The following PROC variants were observed in gnomAD, a reference collection of about 807,000 sequenced individuals.
The protein encoded by PROC is vitamin K-dependent protein C.
Under a neutral mutation model 36.3 loss-of-function variants are expected in PROC, and 22 were observed. The observed-to-expected ratio is 0.61, with a 90% confidence interval of 0.43 to 0.86. The LOEUF (loss-of-function observed/expected upper bound fraction) is 0.86. Ranked by LOEUF, PROC falls within the 40% of genes least tolerant of loss-of-function variation. The probability of loss-of-function intolerance (pLI) is 0.00; values close to 1 mark genes in which losing one functional copy is unlikely to be tolerated. For missense variants in PROC, 526 were observed against 629.7 expected (o/e 0.84, Z 1.76); for synonymous variants, 218 against 244.5 (o/e 0.89, Z 1.01).
At position 127,428,463 on chromosome 2, in the gene PROC, A is replaced by C. The variant is rs753709157; in HGVS notation, c.903A>C (p.Ala301=). The C allele has an allele frequency of 6.2e-7, 1 of 1,614,102 alleles. No homozygotes were observed. ...AGAGCACCACCGACAATGACATCGCACTGCTGCACCTGGCCCAGCCCGCCA... is the reference window on the plus strand; with the variant it reads ...AGAGCACCACCGACAATGACATCGCCCTGCTGCACCTGGCCCAGCCCGCCA... ...YSKSTTDNDI[A]LLHLAQPATL... is the part of the protein sequence containing the mutation. Residue 301 remains alanine (A), a synonymous_variant, in exon 9 of 9, where the codon GCA becomes GCC. Coordinates refer to ENST00000234071, the MANE Select transcript of PROC (RefSeq NM_000312.4).
chr2:127,424,519 A>C (rs951590101), intron 6 of PROC, among the ~76,000 whole-genome samples: 7 of 152,104 alleles, frequency 4.6e-5, no homozygotes, highest in African/African-American at 1.4e-4. Context: ...AACTTTCTAC[A>C]ACTTTATAAT....
intron 6 of PROC, among the ~76,000 whole-genome samples, chr2:127,425,045 C>A (rs1366913859): frequency 1.3e-5 from 2 of 152,222 alleles, no homozygotes; most frequent in Non-Finnish European, 2.9e-5. Flanking sequence ...TAGTCAGAGC[C>A]TCTGGTTCAC....
Position 127,429,143 on chromosome 2 carries a change from G to T in PROC, c.*197G>T. Reference sequence around the variant, plus strand: ...ATCTTAACTCCTAGAGCAACTCTGTGGGGTGGGGAGGAGCAGATCCAAGTT... The same window carrying T: ...ATCTTAACTCCTAGAGCAACTCTGTTGGGTGGGGAGGAGCAGATCCAAGTT... On this transcript the variant is annotated 3_prime_UTR_variant, in exon 9 of 9. Transcript: ENST00000234071. The T allele has an allele frequency of 1.5e-6, 1 of 650,336 alleles. No homozygotes were observed. Among genetic ancestry groups the T allele is most frequent in the Non-Finnish European group, 2.6e-6 (1 of 381,684 alleles). The allele number at this position is 650,336 out of a possible 1,614,324, so 40.3% of individuals were successfully genotyped here.
rs13388546 is a variant in PROC, at chr2:127,428,484, C to A, written c.924C>A (p.Pro308=). 6.2e-7 allele frequency: 1 copy of A among 1,614,168 alleles called. No individual in the cohort carries two copies. The highest frequency in any genetic ancestry group is 1.3e-5 in the African/African-American group (1 of 75,074). The part of the protein sequence containing the change: ...NDIALLHLAQ[P]ATLSQTIVPI... ...TCGCACTGCTGCACCTGGCCCAGCC[C>A]GCCACCCTCTCGCAGACCATAGTGC... The change falls in exon 9 of 9, where the codon CCC becomes CCA. Residue 308 remains proline (P), a synonymous_variant. Transcript: ENST00000234071.
At position 127,428,726 on chromosome 2, in the gene PROC, G is replaced by C. The variant is rs1305782685; in HGVS notation, c.1166G>C (p.Gly389Ala). ...GTGTCTGAGAACATGCTGTGTGCGGGCATCCTCGGGGACCGGCAGGATGCC... is the reference window on the plus strand; with the variant it reads ...GTGTCTGAGAACATGCTGTGTGCGGCCATCCTCGGGGACCGGCAGGATGCC... Reference protein sequence around the residue: ...NMVSENMLCAGILGDRQDACE... With the variant: ...NMVSENMLCAAILGDRQDACE... Residue 389 changes from glycine (G) to alanine (A), a missense_variant, in exon 9 of 9, where the codon GGC (glycine) becomes GCC (alanine). Gly to Ala is a moderately conservative substitution (Grantham distance 60, BLOSUM62 0). Transcript: ENST00000234071. 1.9e-6 allele frequency: 3 copies of C among 1,613,656 alleles called. No individual in the cohort carries two copies. Among genetic ancestry groups the C allele is most frequent in the Non-Finnish European group, 2.5e-6 (3 of 1,180,026 alleles).
At position 127,422,949 on chromosome 2, in the gene PROC, C is replaced by A. The variant is rs773799506; in HGVS notation, c.262+8C>A. 3 of 1,600,186 alleles carry A rather than the reference C, an allele frequency of 1.9e-6. No homozygotes were observed. Among genetic ancestry groups the A allele is most frequent in the Non-Finnish European group, 2.6e-6 (3 of 1,174,538 alleles). ...TCTGGTCCAAGCACGTCGGTGAGTG[C>A]GTTCTAGATCCCCGGCTGGACTACC... On this transcript the variant is annotated splice_region_variant and intron_variant, in intron 4 of 8. Coordinates refer to ENST00000234071, the MANE Select transcript of PROC (RefSeq NM_000312.4).
Position 127,428,473 on chromosome 2 carries a change from C to A in PROC, c.913C>A (p.Leu305Met), listed in dbSNP as rs1445811681. 1.9e-6 allele frequency: 3 copies of A among 1,614,078 alleles called. No individual in the cohort carries two copies. Among genetic ancestry groups the A allele is most frequent in the Non-Finnish European group, 2.5e-6 (3 of 1,180,056 alleles). ...TTDNDIALLH[L>M]AQPATLSQTI... Reference sequence around the variant, plus strand: ...CGACAATGACATCGCACTGCTGCACCTGGCCCAGCCCGCCACCCTCTCGCA... The same window carrying A: ...CGACAATGACATCGCACTGCTGCACATGGCCCAGCCCGCCACCCTCTCGCA... Residue 305 changes from leucine (L) to methionine (M), a missense_variant, in exon 9 of 9, where the codon CTG (leucine) becomes ATG (methionine). Physicochemically the swap from Leu to Met is conservative, Grantham distance 15 (BLOSUM62 2). Coordinates refer to ENST00000234071, the MANE Select transcript of PROC (RefSeq NM_000312.4).
chr2:127,429,174 G>C lies in PROC; in HGVS notation c.*228G>C. ...GGGAGGAGCAGATCCAAGTTTTGCG[G>C]GGTCTAAAGCTGTGTGTGTTGAGGG... On this transcript the variant is annotated 3_prime_UTR_variant, in exon 9 of 9. Transcript: ENST00000234071. 1.7e-6 allele frequency: 1 copy of C among 590,338 alleles called. No individual in the cohort carries two copies. The highest frequency in any genetic ancestry group is 3.0e-6 in the Non-Finnish European group (1 of 333,758). The allele number at this position is 590,338 out of a possible 1,614,324, so 36.6% of individuals were successfully genotyped here.
intron 2 of PROC, among the ~76,000 whole-genome samples, chr2:127,420,440 C>A (rs746556840): frequency 2.0e-5 from 3 of 152,170 alleles, no homozygotes; most frequent in Admixed American, 6.5e-5. Context: ...CCACAGCCAA[C>A]GGGAGGAGGC....
rs1688563455 is a variant in PROC, at chr2:127,427,199, C to T, written c.773C>T (p.Ser258Phe). 6.2e-7 allele frequency: 1 copy of T among 1,613,224 alleles called. No individual in the cohort carries two copies. Among genetic ancestry groups the T allele is most frequent in the Non-Finnish European group, 8.5e-7 (1 of 1,179,912 alleles). ...VLTAAHCMDESKKLLVRLGEY... is the reference protein window; with the variant it reads ...VLTAAHCMDEFKKLLVRLGEY... ...ACAGCGGCCCACTGCATGGATGAGTCCAAGAAGCTCCTTGTCAGGCTTGGT... is the reference window on the plus strand; with the variant it reads ...ACAGCGGCCCACTGCATGGATGAGTTCAAGAAGCTCCTTGTCAGGCTTGGT... Residue 258 changes from serine (S) to phenylalanine (F), a missense_variant, in exon 8 of 9, where the codon TCC (serine) becomes TTC (phenylalanine). Transcript: ENST00000234071.
Position 127,426,373 on chromosome 2 carries a change from G to T in PROC, c.678+146G>T. 1.7e-6 allele frequency: 2 copies of T among 1,196,858 alleles called. No individual in the cohort carries two copies. The highest frequency in any genetic ancestry group is 2.3e-6 in the Non-Finnish European group (2 of 857,888). The allele number at this position is 1,196,858 out of a possible 1,614,324, so 74.1% of individuals were successfully genotyped here. ...TGATGAAGGTGGGGGATGCTTCAGGGAAAGATGGACGCAACCTGAGGGGAG... is the reference window on the plus strand; with the variant it reads ...TGATGAAGGTGGGGGATGCTTCAGGTAAAGATGGACGCAACCTGAGGGGAG... On this transcript the variant is annotated intron_variant, in intron 7 of 8. Transcript: ENST00000234071. The surrounding 1 kb of genome is among the most constrained non-coding windows in gnomAD (Gnocchi z 7.0).
At chr2:127,421,146 G>A (rs1469606760) in intron 2 of PROC, 137 bp from the exon 3 acceptor site, 1 of 873,738 alleles carries the variant, frequency 1.1e-6, no homozygotes, top group Non-Finnish European at 1.8e-6. Flanking sequence ...CCATGACCTA[G>A]AATTAGAATG....
Position 127,428,381 on chromosome 2 carries a change from A to G in PROC, c.821A>G (p.Glu274Gly). Residue 274 changes from glutamate to glycine, a missense_variant, in exon 9 of 9, where the codon GAG (glutamate) becomes GGG (glycine). Coordinates refer to ENST00000234071, the MANE Select transcript of PROC (RefSeq NM_000312.4). ...RLGEYDLRRW[E>G]KWELDLDIKE... is the part of the protein sequence containing the mutation. The stretch of plus-strand genomic sequence containing the variant: ...GGAGAGTATGACCTGCGGCGCTGGG[A>G]GAAGTGGGAGCTGGACCTGGACATC... 1 of 1,614,062 alleles carries G rather than the reference A, an allele frequency of 6.2e-7. No homozygotes were observed. Among genetic ancestry groups the G allele is most frequent in the Non-Finnish European group, 8.5e-7 (1 of 1,180,030 alleles).
rs757001092 is a variant in PROC at position 127,428,392 on chromosome 2, C to A, written c.832C>A (p.Leu278Met). 1 of 1,614,110 alleles carries A rather than the reference C, an allele frequency of 6.2e-7. No homozygotes were observed. Residue 278 changes from leucine to methionine, a missense_variant, in exon 9 of 9, where the codon CTG becomes ATG. Leu to Met is a conservative substitution (Grantham distance 15). Coordinates refer to ENST00000234071, the MANE Select transcript of PROC (RefSeq NM_000312.4). Reference sequence around the variant, plus strand: ...CCTGCGGCGCTGGGAGAAGTGGGAGCTGGACCTGGACATCAAGGAGGTCTT... The same window carrying A: ...CCTGCGGCGCTGGGAGAAGTGGGAGATGGACCTGGACATCAAGGAGGTCTT... ...YDLRRWEKWE[L>M]DLDIKEVFVH...
chr2:127,424,784 G>A (rs1573449231), intron 6 of PROC, among the ~76,000 whole-genome samples: 1 of 152,254 alleles, frequency 6.6e-6, no homozygotes, highest in South Asian at 2.1e-4. Context: ...TGGCCTGTGG[G>A]TTTCCTGCAA....
Position 127,420,014 on chromosome 2 carries a change from T to A in PROC, c.70+2T>A. The A allele has an allele frequency of 6.2e-7, 1 of 1,613,050 alleles. No homozygotes were observed. Among genetic ancestry groups the A allele is most frequent in the Non-Finnish European group, 8.5e-7 (1 of 1,179,936 alleles). On this transcript the variant is annotated splice_donor_variant, in intron 2 of 8. Coordinates refer to ENST00000234071, the MANE Select transcript of PROC (RefSeq NM_000312.4). LOFTEE classifies it high-confidence loss of function. Reference sequence around the variant, plus strand: ...TTTCCGGCACACCAGCTCCTCTTGGTAAGGCCACCCCACCCCTACCCCGGG... The same window carrying A: ...TTTCCGGCACACCAGCTCCTCTTGGAAAGGCCACCCCACCCCTACCCCGGG...
intron 6 of PROC, among the ~76,000 whole-genome samples, chr2:127,424,709 A>G (rs1257961426): frequency 1.3e-5 from 2 of 152,212 alleles, no homozygotes; most frequent in Non-Finnish European, 2.9e-5. Context: ...CTAAAAATTT[A>G]ACTTTTTATT....
In PROC at chr2:127,429,116, G is replaced by C. The variant is rs563767423; in HGVS notation, c.*170G>C. 2 of 751,978 alleles carry C rather than the reference G, an allele frequency of 2.7e-6. No individual in the cohort carries two copies. The highest frequency in any genetic ancestry group is 4.3e-6 in the Non-Finnish European group (2 of 462,602). The allele number at this position is 751,978 out of a possible 1,614,324, so 46.6% of individuals were successfully genotyped here. ...TTGTATGTCACATGCCTTATGAATA[G>C]AATCTTAACTCCTAGAGCAACTCTG... On this transcript the variant is annotated 3_prime_UTR_variant, in exon 9 of 9. Coordinates refer to ENST00000234071, the MANE Select transcript of PROC (RefSeq NM_000312.4).
Position 127,423,097 on chromosome 2 carries a change from G to A in PROC, c.326G>A (p.Gly109Asp). ...TGCGCCAGCCTGTGCTGCGGGCACG[G>A]CACGTGCATCGACGGCATCGGCAGC... Reference protein sequence around the residue: ...HPCASLCCGHGTCIDGIGSFS... With the variant: ...HPCASLCCGHDTCIDGIGSFS... Residue 109 changes from glycine to aspartate, a missense_variant, in exon 5 of 9, where the codon GGC (glycine) becomes GAC (aspartate). Coordinates refer to ENST00000234071, the MANE Select transcript of PROC (RefSeq NM_000312.4). 1.9e-6 allele frequency: 3 copies of A among 1,610,436 alleles called. No individual in the cohort carries two copies. The highest frequency in any genetic ancestry group is 2.5e-6 in the Non-Finnish European group (3 of 1,178,620).
Sources: gnomAD v4.1 joint callset for allele counts (sites outside exome capture counted in the v4.1 genomes callset) on GRCh38, gnomAD v4.1.1 for gene constraint, Gnocchi (gnomAD v3.1) non-coding constraint, MANE v1.5 for transcripts, NCBI Gene and HGNC (gene_info 2026-07-23, HGNC 2026-07-21) for gene names.